Variants in DSP observed in about 807,000 individuals in gnomAD.
DSP encodes 250/210 kDa paraneoplastic pemphigus antigen.
A neutral mutation model predicts 290.6 loss-of-function variants in DSP; 114 were observed. The ratio of observed to expected loss-of-function variants is 0.39; its 90% confidence interval spans 0.34 to 0.46. The LOEUF is 0.46. DSP is among the 20% of genes least tolerant of loss of function. DSP has a pLI of 0.99. For missense variants in DSP, 3,230 were observed against 3,495.8 expected (o/e 0.92, Z 1.92); for synonymous variants, 1,311 against 1,316.4 (o/e 1.00, Z 0.09).
chr6:7,585,725 GGCTCCGGGGTCCC>G lies in DSP; in HGVS notation c.8471_8483del (p.Gly2824AlafsTer55), dbSNP rs1759642975. ...TACCCAGCCCTTACAACATGTCTTC[GGCTCCGGGGTCCC>G]GCTCCGGCTCCCGCTCGGGATCTCG... On this transcript the variant is annotated frameshift_variant, in exon 24 of 24. Transcript: ENST00000379802. LOFTEE classifies it high-confidence loss of function. 6.2e-7 allele frequency: 1 copy of G among 1,612,142 alleles called. No individual in the cohort carries two copies. The highest frequency in any genetic ancestry group is 8.5e-7 in the Non-Finnish European group (1 of 1,179,038).
In DSP at chr6:7,583,678, A is replaced by G. The variant is rs765687440; in HGVS notation, c.6416A>G (p.Asn2139Ser). The G allele has an allele frequency of 6.8e-6, 11 of 1,614,140 alleles. No homozygotes were observed. The East Asian group carries it at 2.5e-4, about 36-fold the overall frequency. Residue 2139 changes from asparagine to serine, a missense_variant, in exon 24 of 24, where the codon AAC (asparagine) becomes AGC (serine). By Grantham distance (46) the Asn-to-Ser change is conservative. Transcript: ENST00000379802. The surrounding 1 kb of genome is among the most constrained non-coding windows in gnomAD (Gnocchi z 4.0). The part of the protein sequence containing the change: ...IASGGVVDPV[N>S]SVFLPKDVAL... ...TCAGGGGGTGTAGTAGACCCTGTGA[A>G]CAGTGTCTTTTTGCCAAAAGATGTC... is the stretch of plus-strand genomic sequence containing the variant.
intron 1 of DSP, among the ~76,000 whole-genome samples, chr6:7,547,915 C>T (rs190759193): frequency 4.6e-5 from 7 of 152,166 alleles, no homozygotes; most frequent in African/African-American, 1.4e-4. Flanking sequence ...CTTATCACCC[C>T]GCCTCCATTT....
chr6:7,555,954 C>T, intron 2 of DSP, 134 bp downstream of exon 2: 1 of 766,304 alleles, frequency 1.3e-6, no homozygotes, highest in Non-Finnish European at 2.2e-6. Context: ...TTTTTCAGAA[C>T]AGACTACAGA....
intron 1 of DSP, among the ~76,000 whole-genome samples, chr6:7,549,560 G>A (rs1259452342): frequency 6.6e-6 from 1 of 152,186 alleles, no homozygotes; most frequent in Admixed American, 6.5e-5. Flanking sequence ...TGTGAAAAAT[G>A]CTTTGAAAAT....
intron 1 of DSP, among the ~76,000 whole-genome samples, chr6:7,552,662 GTTT>G (rs67361560): frequency 9.1e-6 from 1 of 109,472 alleles, no homozygotes; most frequent in Non-Finnish European, 2.0e-5. Context: ...GTTACCTGTT[GTTT>G]TTTTTTTTTT....
At chr6:7,573,289 G>T (rs1759117187) in intron 15 of DSP, among the ~76,000 whole-genome samples, 1 of 152,028 alleles carries the variant, frequency 6.6e-6, no homozygotes, top group Admixed American at 6.5e-5. Context: ...AAAAGAAAGA[G>T]ATCCTGGGGC....
In DSP at chr6:7,582,574, A is replaced by G; in HGVS notation, c.5380-68A>G. ...AAGATAGATACACAAAAGAAAGTTA[A>G]GTCGTGATAGTAATATGATATGATT... is the stretch of plus-strand genomic sequence containing the variant. On this transcript the variant is annotated intron_variant, in intron 23 of 23. Coordinates refer to ENST00000379802, the MANE Select transcript of DSP (RefSeq NM_004415.4). The surrounding 1 kb of genome is among the most constrained non-coding windows in gnomAD (Gnocchi z 4.2). 1 of 1,353,864 alleles carries G rather than the reference A, an allele frequency of 7.4e-7. No individual in the cohort carries two copies. The highest frequency in any genetic ancestry group is 1.0e-6 in the Non-Finnish European group (1 of 955,624). 83.9% of individuals were successfully genotyped at this position (1,353,864 alleles called of 1,614,324 possible).
At position 7,568,595 on chromosome 6, in the gene DSP, T is replaced by C. The variant is rs1435716364; in HGVS notation, c.1419+6T>C. The C allele has an allele frequency of 1.2e-6, 2 of 1,613,596 alleles. No individual in the cohort carries two copies. The highest frequency in any genetic ancestry group is 1.3e-5 in the African/African-American group (1 of 74,942). On this transcript the variant is annotated splice_donor_region_variant and intron_variant, in intron 11 of 23. Coordinates refer to ENST00000379802, the MANE Select transcript of DSP (RefSeq NM_004415.4). ...GTGACTACAAACAAGATCAGGTGTG[T>C]ACTCATTTAGAATGATACAAAAGTT...
chr6:7,552,505 G>A (rs1477896966), intron 1 of DSP, among the ~76,000 whole-genome samples: 5 of 149,752 alleles, frequency 3.3e-5, no homozygotes, highest in Non-Finnish European at 7.4e-5. Flanking sequence ...GGAGGTTGCA[G>A]TGAGCCGAGA....
In DSP at chr6:7,586,202, T is replaced by G; in HGVS notation, c.*324T>G. 1.7e-5 allele frequency: 4 copies of G among 236,304 alleles called. No individual in the cohort carries two copies. The highest frequency in any genetic ancestry group is 3.3e-5 in the Non-Finnish European group (4 of 121,064). The allele number at this position is 236,304 out of a possible 1,614,324, so 14.6% of individuals were successfully genotyped here. ...TCAATTCTTTAATTTTGGAAGCCTA[T>G]AATACAGTTTTCTATTCTTGGAGAT... On this transcript the variant is annotated 3_prime_UTR_variant, in exon 24 of 24. Transcript: ENST00000379802.
chr6:7,567,535 T>A, intron 9 of DSP, 86 bp downstream of exon 9: 1 of 1,314,882 alleles, frequency 7.6e-7, no homozygotes, highest in Non-Finnish European at 1.1e-6. Flanking sequence ...CTGAAAATAA[T>A]CTTCAAAATG....
chr6:7,560,464 A>G (rs990882189), intron 4 of DSP, among the ~76,000 whole-genome samples: 6 of 152,188 alleles, frequency 3.9e-5, no homozygotes, highest in Admixed American at 3.9e-4. Context: ...ATACAAATCT[A>G]TTTGTATGTT....
At chr6:7,577,448 C>T (rs931531202) in intron 20 of DSP, among the ~76,000 whole-genome samples, 4 of 152,164 alleles carry the variant, frequency 2.6e-5, no homozygotes, top group African/African-American at 9.7e-5. Context: ...CCCGCCTCAG[C>T]TTCCTGAGTA....
chr6:7,578,346 A>G, intron 21 of DSP, 118 bp from the exon 22 acceptor site: 1 of 884,570 alleles, frequency 1.1e-6, no homozygotes, highest in Non-Finnish European at 1.8e-6. Context: ...TGAACACACT[A>G]AAGAAGAGAA....
In DSP at chr6:7,579,223, T is replaced by C. The variant is rs1759338249; in HGVS notation, c.3085-52T>C. 6.2e-7 allele frequency: 1 copy of C among 1,605,936 alleles called. No individual in the cohort carries two copies. The highest frequency in any genetic ancestry group is 1.3e-5 in the African/African-American group (1 of 74,908). On this transcript the variant is annotated intron_variant, in intron 22 of 23. Coordinates refer to ENST00000379802, the MANE Select transcript of DSP (RefSeq NM_004415.4). The surrounding 1 kb of genome is among the most constrained non-coding windows in gnomAD (Gnocchi z 4.1). ...GGAGGGGAAAAGTACTGCTTCTTTC[T>C]TGGAATGTGAGGTGTTTTTCTTTTG...
chr6:7,567,839 GGAA>G lies in DSP; in HGVS notation c.1204_1206del (p.Lys402del). 6.2e-7 allele frequency: 1 copy of G among 1,614,084 alleles called. No homozygotes were observed. Among genetic ancestry groups the G allele is most frequent in the Non-Finnish European group, 8.5e-7 (1 of 1,179,988 alleles). On this transcript the variant is annotated inframe_deletion, in exon 10 of 24. Transcript: ENST00000379802. ...CTGAAGGGGCTCCAGGACTCCATCA[GGAA>G]GAAGTACCCCTGCGACAAGAACATG...
rs1053461609 is a variant in DSP at position 7,565,997 on chromosome 6, A to G, written c.940-380A>G. On this transcript the variant is annotated intron_variant, in intron 7 of 23. Coordinates refer to ENST00000379802, the MANE Select transcript of DSP (RefSeq NM_004415.4). This position sits in a 1 kb window ranked among gnomAD's most constrained non-coding sequence, Gnocchi z 4.2. ...CTTAAAATAAAAGTTAAAAAGAAAAAGAGGGGCAATACCTTGTTTAATATC... is the reference window on the plus strand; with the variant it reads ...CTTAAAATAAAAGTTAAAAAGAAAAGGAGGGGCAATACCTTGTTTAATATC... Among the ~76,000 whole-genome samples, 2 of 152,212 alleles carry G rather than the reference A, an allele frequency of 1.3e-5. No homozygotes were observed. The highest frequency in any genetic ancestry group is 2.9e-5 in the Non-Finnish European group (2 of 68,044).
At chr6:7,570,674 C>A in intron 13 of DSP, 111 bp downstream of exon 13, 2 of 1,514,402 alleles carry the variant, frequency 1.3e-6, no homozygotes, top group South Asian at 2.3e-5. Flanking sequence ...TTTTGTGTCT[C>A]GTCAAGCAAG....
chr6:7,567,499 A>G (rs553003726), intron 9 of DSP, 50 bp downstream of exon 9: 1 of 1,436,368 alleles, frequency 7.0e-7, no homozygotes, highest in East Asian at 2.3e-5. Context: ...TTAATACCTA[A>G]TCTTTTGAGT....
Sources: allele counts gnomAD v4.1 joint callset (sites outside exome capture counted in the v4.1 genomes callset), GRCh38; gene constraint gnomAD v4.1.1; non-coding constraint Gnocchi (gnomAD v3.1); transcripts MANE v1.5; gene names NCBI Gene and HGNC (gene_info 2026-07-23, HGNC 2026-07-21).